The following WNT9B variants were observed in gnomAD, a reference collection of about 807,000 sequenced individuals.
WNT9B encodes the protein protein Wnt-9b.
A neutral mutation model predicts 30.2 loss-of-function variants in WNT9B; 12 were observed. That is an observed-to-expected ratio of 0.40 (90% CI 0.26 to 0.64). The LOEUF (loss-of-function observed/expected upper bound fraction) is 0.64, where lower values mean the gene tolerates loss of function less well. WNT9B is among the 30% of genes least tolerant of loss of function. The pLI, the probability that WNT9B is intolerant of heterozygous loss-of-function variation, is 0.42. For missense variants in WNT9B, 442 were observed against 485.2 expected (o/e 0.91, Z 0.84); for synonymous variants, 218 against 216.9 (o/e 1.01, Z -0.05).
At chr17:46,841,555 G>T (rs987323860) in intron 1 of WNT9B, among the ~76,000 whole-genome samples, 4 of 152,260 alleles carry the variant, frequency 2.6e-5, no homozygotes, top group Non-Finnish European at 5.9e-5. Flanking sequence ...AGCGGGTTAA[G>T]GTGGGGGCGT....
In WNT9B at chr17:46,876,522, C is replaced by T. The variant is rs1738588631; in HGVS notation, c.878C>T (p.Pro293Leu). The change falls in exon 4 of 4, where the codon CCC (proline) becomes CTC (leucine). Residue 293 changes from proline to leucine, a missense_variant. Coordinates refer to ENST00000290015, the MANE Select transcript of WNT9B (RefSeq NM_003396.3). The stretch of plus-strand genomic sequence containing the variant: ...GAGGACTCACCCAGCTTCTGCCGGC[C>T]CAGCAAGTACTCACCTGGCACAGCA... ...YMEDSPSFCR[P>L]SKYSPGTAGR... The T allele has an allele frequency of 6.2e-7, 1 of 1,613,522 alleles. No homozygotes were observed. Among genetic ancestry groups the T allele is most frequent in the African/African-American group, 1.3e-5 (1 of 74,948 alleles).
chr17:46,854,744 G>A (rs952249332), intron 1 of WNT9B, among the ~76,000 whole-genome samples: 8 of 152,016 alleles, frequency 5.3e-5, no homozygotes, highest in Non-Finnish European at 7.4e-5. Context: ...CACTGCAACC[G>A]CCACCTCCTG....
At chr17:46,862,526 G>A (rs2085058349) in intron 1 of WNT9B, among the ~76,000 whole-genome samples, 1 of 152,176 alleles carries the variant, frequency 6.6e-6, no homozygotes, top group South Asian at 2.1e-4. Flanking sequence ...TGAATCTGTG[G>A]CAAATTCTGA....
At chr17:46,839,912 TTTTCTTTCTTTCTTTCTTTC>T (rs10635916) in intron 1 of WNT9B, among the ~76,000 whole-genome samples, 3,716 of 113,402 alleles carry the variant, frequency 0.033, 58 homozygotes, top group Non-Finnish European at 0.037. Flanking sequence ...ACATTTTCTC[TTTTCTTTCTTTCTTTCTTTC>T]TTTCTTTCTT....
intron 1 of WNT9B, among the ~76,000 whole-genome samples, chr17:46,858,900 C>T (rs1344123724): frequency 6.6e-6 from 1 of 151,474 alleles, no homozygotes; most frequent in Non-Finnish European, 1.5e-5. Context: ...CTCCTGGGCT[C>T]AAGCAATTCT....
In WNT9B at chr17:46,876,233, C is replaced by A; in HGVS notation, c.601-12C>A. ...GGCCTCTGACCACGCCTCTGTTCTG[C>A]CTCCCCCACAGGCTGTGAAGAGTGG... is the stretch of plus-strand genomic sequence containing the variant. On this transcript the variant is annotated splice_polypyrimidine_tract_variant and intron_variant, in intron 3 of 3. Coordinates refer to ENST00000290015, the MANE Select transcript of WNT9B (RefSeq NM_003396.3). 1 of 1,592,100 alleles carries A rather than the reference C, an allele frequency of 6.3e-7. No homozygotes were observed. Among genetic ancestry groups the A allele is most frequent in the Non-Finnish European group, 8.6e-7 (1 of 1,166,930 alleles).
chr17:46,834,586 C>T (rs979314131), intron 1 of WNT9B, among the ~76,000 whole-genome samples: 2 of 152,124 alleles, frequency 1.3e-5, no homozygotes, highest in Non-Finnish European at 2.9e-5. Context: ...GCAAATATAC[C>T]TCCTGGGCTG....
intron 2 of WNT9B, 140 bp downstream of exon 2, chr17:46,872,913 A>G (rs1326223283): frequency 2.8e-6 from 3 of 1,086,396 alleles, no homozygotes; most frequent in South Asian, 3.6e-5. Flanking sequence ...CACGGTCCCA[A>G]ATGAGAAGAG....
chr17:46,855,756 T>C (rs2084927991), intron 1 of WNT9B, among the ~76,000 whole-genome samples: 2 of 152,188 alleles, frequency 1.3e-5, no homozygotes, highest in Non-Finnish European at 2.9e-5. Flanking sequence ...TAGAGTGCAA[T>C]GGTGTGATCT....
At chr17:46,853,917 A>G (rs2084897466) in intron 1 of WNT9B, among the ~76,000 whole-genome samples, 1 of 152,162 alleles carries the variant, frequency 6.6e-6, no homozygotes, top group Non-Finnish European at 1.5e-5. Flanking sequence ...TGTTCTCAGC[A>G]GTGCATGGGG....
rs62071993 is a variant in WNT9B at position 46,876,271 on chromosome 17, G to A, written c.627G>A (p.Thr209=). Reference sequence around the variant, plus strand: ...CTGTGAAGAGTGGCCTCAGGACCACGTGTAAGTGCCATGGCGTATCAGGCT... The same window carrying A: ...CTGTGAAGAGTGGCCTCAGGACCACATGTAAGTGCCATGGCGTATCAGGCT... The part of the protein sequence containing the change: ...IKAVKSGLRT[T]CKCHGVSGSC... The change falls in exon 4 of 4, where the codon ACG becomes ACA. Residue 209 remains threonine (T), a synonymous_variant. Coordinates refer to ENST00000290015, the MANE Select transcript of WNT9B (RefSeq NM_003396.3). The A allele has an allele frequency of 4.3e-3, 6,962 of 1,612,874 alleles. 21 individuals are homozygous for A. The highest frequency in any genetic ancestry group is 5.2e-3 in the Non-Finnish European group (6,087 of 1,179,126).
At chr17:46,858,799 T>A (rs2084982478) in intron 1 of WNT9B, among the ~76,000 whole-genome samples, 1 of 152,156 alleles carries the variant, frequency 6.6e-6, no homozygotes, top group Admixed American at 6.6e-5. Context: ...CCTGAGTAGC[T>A]GGGGCCACAG....
At chr17:46,852,484 G>A (rs1465694011) in intron 1 of WNT9B, among the ~76,000 whole-genome samples, 1 of 150,932 alleles carries the variant, frequency 6.6e-6, no homozygotes, top group Non-Finnish European at 1.5e-5. Flanking sequence ...GTGACACCTG[G>A]GGGACAGTGG....
intron 1 of WNT9B, among the ~76,000 whole-genome samples, chr17:46,839,433 T>C (rs1568113325): frequency 7.2e-5 from 11 of 152,300 alleles, no homozygotes; most frequent in Non-Finnish European, 1.3e-4. Context: ...GGTTGTATGG[T>C]AGCTGCCACT....
intron 1 of WNT9B, among the ~76,000 whole-genome samples, chr17:46,855,977 C>T (rs2084931865): frequency 6.6e-6 from 1 of 152,248 alleles, no homozygotes. Flanking sequence ...GTGTGTGCCA[C>T]CATGCCCGGC....
At chr17:46,885,001 T>A (rs1361201501), downstream of WNT9B, 1 of 439,258 alleles carries the variant, frequency 2.3e-6, no homozygotes, top group Non-Finnish European at 4.5e-6. Context: ...CTTAGCTTTT[T>A]TTTTTAGACG....
At chr17:46,836,783 T>C (rs565539315) in intron 1 of WNT9B, among the ~76,000 whole-genome samples, 1 of 152,294 alleles carries the variant, frequency 6.6e-6, no homozygotes, top group South Asian at 2.1e-4. Context: ...GTGACCTGTG[T>C]CCTGTTGACA....
At chr17:46,839,985 C>A (rs2084688334) in intron 1 of WNT9B, among the ~76,000 whole-genome samples, 1 of 127,198 alleles carries the variant, frequency 7.9e-6, no homozygotes, top group Non-Finnish European at 1.7e-5. Context: ...TCTCTTCTTT[C>A]TTTCTTTTTT....
intron 2 of WNT9B, among the ~76,000 whole-genome samples, chr17:46,873,514 T>A (rs1158600060): frequency 2.0e-5 from 3 of 152,150 alleles, no homozygotes; most frequent in Non-Finnish European, 2.9e-5. Flanking sequence ...CAGCTCCGGG[T>A]GGGTCTCCCT....
Sources: gnomAD v4.1 joint callset for allele counts (sites outside exome capture counted in the v4.1 genomes callset) on GRCh38, gnomAD v4.1.1 for gene constraint, MANE v1.5 for transcripts, NCBI Gene and HGNC (gene_info 2026-07-23, HGNC 2026-07-21) for gene names.